Variants in FOXP1 observed in about 807,000 individuals in gnomAD.
FOXP1 encodes forkhead box protein P1.
FOXP1 carries 15 observed loss-of-function variants against 98.2 expected under a neutral mutation model. The observed-to-expected ratio is 0.15, with a 90% CI of 0.10 to 0.24. FOXP1 has a LOEUF of 0.24. Ranked by LOEUF, FOXP1 falls within the 10% of genes least tolerant of loss-of-function variation. The pLI is 1.00. For synonymous variants in FOXP1, 371 were observed against 314.5 expected, an observed-to-expected ratio of 1.18 and a Z score of -1.90; for missense variants, 633 against 848.5, an observed-to-expected ratio of 0.75 and a Z score of 3.15.
Position 70,987,919 on chromosome 3 carries a change from C to A in FOXP1, c.1146+75G>T, listed in dbSNP as rs919671753. 4 of 1,379,684 alleles carry A rather than the reference C, an allele frequency of 2.9e-6. No individual in the cohort carries two copies. In the East Asian group the frequency reaches 9.1e-5, roughly 32 times the overall value. The allele number at this position is 1,379,684 out of a possible 1,614,324, so 85.5% of individuals were successfully genotyped here. On this transcript the variant is annotated intron_variant, in intron 14 of 20. Coordinates refer to ENST00000649528, the MANE Select transcript of FOXP1 (RefSeq NM_001349338.3). The stretch of plus-strand genomic sequence containing the variant: ...CCAAAGTAGGCTGGTCCTCCTTCCT[C>A]CATTTGGGGTGGGGAAGTAGAAAAG...
At chr3:71,345,945 G>A (rs944066326) in intron 4 of FOXP1, among the ~76,000 whole-genome samples, 3 of 141,338 alleles carry the variant, frequency 2.1e-5, no homozygotes, top group Non-Finnish European at 3.0e-5. Flanking sequence ...GAGACAAAGT[G>A]CTTTTCAAGC....
intron 4 of FOXP1, among the ~76,000 whole-genome samples, chr3:71,311,741 A>G (rs1003037838): frequency 6.6e-6 from 1 of 152,226 alleles, no homozygotes; most frequent in African/African-American, 2.4e-5. Context: ...TAAACTGAGA[A>G]ACTTGGCAGC....
chr3:71,539,098 T>C (rs2044554708), intron 2 of FOXP1, among the ~76,000 whole-genome samples: 1 of 150,578 alleles, frequency 6.6e-6, no homozygotes. Context: ...TTTTTTATTT[T>C]TTATTTTTTT....
chr3:70,970,686 AG>A, intron 19 of FOXP1, 49 bp downstream of exon 19: 2 of 1,328,856 alleles, frequency 1.5e-6, no homozygotes, highest in South Asian at 2.3e-5. Context: ...TGAAATGAGT[AG>A]GGGAGACCTG....
intron 3 of FOXP1, among the ~76,000 whole-genome samples, chr3:71,381,856 T>C (rs1296365557): frequency 2.6e-5 from 4 of 152,214 alleles, no homozygotes; most frequent in Admixed American, 1.3e-4. Flanking sequence ...TATTAATTCA[T>C]AGGGAACATC....
intron 17 of FOXP1, among the ~76,000 whole-genome samples, chr3:70,973,861 A>G (rs1467215670): frequency 3.2e-5 from 1 of 31,546 alleles, no homozygotes; most frequent in African/African-American, 1.3e-4. Context: ...CCCCCAACAC[A>G]TCCCATTCTG....
intron 5 of FOXP1, among the ~76,000 whole-genome samples, chr3:71,227,428 T>C (rs2065928937): frequency 6.6e-6 from 1 of 152,160 alleles, no homozygotes; most frequent in South Asian, 2.1e-4. Flanking sequence ...CAGAAAACTA[T>C]TAGTCAATTT....
At chr3:71,494,182 A>T (rs1168684438) in intron 2 of FOXP1, among the ~76,000 whole-genome samples, 5 of 152,142 alleles carry the variant, frequency 3.3e-5, no homozygotes, top group Admixed American at 6.5e-5. Flanking sequence ...TGGACCCGGT[A>T]TGGTCTTCAG....
chr3:71,578,372 G>A (rs976679579), intron 2 of FOXP1, among the ~76,000 whole-genome samples: 6 of 152,000 alleles, frequency 3.9e-5, no homozygotes, highest in Admixed American at 2.6e-4. Flanking sequence ...AATCTACTTC[G>A]GTTTTATTAA....
At chr3:71,538,808 T>C (rs1278497408) in intron 2 of FOXP1, among the ~76,000 whole-genome samples, 1 of 152,198 alleles carries the variant, frequency 6.6e-6, no homozygotes, top group Non-Finnish European at 1.5e-5. Flanking sequence ...TCTAAGAGTT[T>C]TCTATATTTA....
At chr3:70,968,030 GTATT>G (rs764195704) in intron 19 of FOXP1, among the ~76,000 whole-genome samples, 1 of 152,122 alleles carries the variant, frequency 6.6e-6, no homozygotes, top group African/African-American at 2.4e-5. Context: ...CTTGGGATGA[GTATT>G]TATTCTCTTT....
intron 2 of FOXP1, among the ~76,000 whole-genome samples, chr3:71,516,948 T>C (rs980839571): frequency 6.6e-6 from 1 of 152,226 alleles, no homozygotes; most frequent in African/African-American, 2.4e-5. Flanking sequence ...GCCACGTGTG[T>C]GTCTCGCCTG....
At chr3:71,145,229 T>C (rs1016708958) in intron 6 of FOXP1, among the ~76,000 whole-genome samples, 1 of 151,616 alleles carries the variant, frequency 6.6e-6, no homozygotes, top group Admixed American at 6.6e-5. Context: ...TTTTTATTTA[T>C]TTATTTTTTT....
intron 7 of FOXP1, among the ~76,000 whole-genome samples, chr3:71,091,528 A>AAAC (rs555690842): frequency 1.4e-5 from 2 of 147,890 alleles, no homozygotes; most frequent in African/African-American, 5.0e-5. Context: ...ACAAACAAAC[A>AAAC]AAAAAAAAAC....
intron 1 of FOXP1, 92 bp downstream of exon 1, chr3:71,583,476 TTTG>T (rs2048357723): frequency 1.0e-6 from 1 of 983,328 alleles, no homozygotes; most frequent in African/African-American, 1.8e-5. Context: ...TTTTTTTTTT[TTTG>T]TGCTGGTTGT....
At position 70,954,927 on chromosome 3, in the gene FOXP1, A is replaced by G; in HGVS notation, c.*4320T>C. 1 of 232,964 alleles carries G rather than the reference A, an allele frequency of 4.3e-6. No individual in the cohort carries two copies. Among genetic ancestry groups the G allele is most frequent in the Non-Finnish European group, 8.5e-6 (1 of 117,860 alleles). The allele number at this position is 232,964 out of a possible 1,614,324, so 14.4% of individuals were successfully genotyped here. A position where few individuals can be genotyped will look rare whatever the true frequency, so the allele number is the denominator to read the frequency against. ...TTCTTGTTACTGGCAGCACATATAC[A>G]TGAAGCACCATGCTCACAGTCCGGA... On this transcript the variant is annotated 3_prime_UTR_variant, in exon 21 of 21. Transcript: ENST00000649528.
intron 5 of FOXP1, among the ~76,000 whole-genome samples, chr3:71,295,823 C>A (rs1300512422): frequency 6.6e-6 from 1 of 152,178 alleles, no homozygotes; most frequent in Non-Finnish European, 1.5e-5. Flanking sequence ...ACCAAGGCAA[C>A]CATAATAGAA....
chr3:71,457,119 T>TA (rs201973026), intron 3 of FOXP1, among the ~76,000 whole-genome samples: 301 of 142,602 alleles, frequency 2.1e-3, no homozygotes, highest in Non-Finnish European at 3.2e-3. Context: ...CTATGAAACT[T>TA]AAAAAAAAAA....
intron 3 of FOXP1, among the ~76,000 whole-genome samples, chr3:71,461,437 T>C (rs905580365): frequency 6.6e-6 from 1 of 152,196 alleles, no homozygotes; most frequent in Non-Finnish European, 1.5e-5. Flanking sequence ...CAGTTTTAAA[T>C]GAGCCATGAT....
Sources: allele counts gnomAD v4.1 joint callset (sites outside exome capture counted in the v4.1 genomes callset), GRCh38; gene constraint gnomAD v4.1.1; transcripts MANE v1.5; gene names NCBI Gene and HGNC (gene_info 2026-07-23, HGNC 2026-07-21).